The following OTOF variants were observed in gnomAD, a reference collection of about 807,000 sequenced individuals.
OTOF encodes the protein otoferlin, also known as fer-1-like family member 2.
OTOF carries 218 observed loss-of-function variants against 236.8 expected under a neutral mutation model. The ratio of observed to expected loss-of-function variants is 0.92; its 90% CI spans 0.82 to 1.03. The LOEUF (loss-of-function observed/expected upper bound fraction) is 1.03, where lower values mean the gene tolerates loss of function less well. OTOF is among the 50% of genes least tolerant of loss of function. OTOF has a pLI of 0.00. For missense variants in OTOF, 2,590 were observed against 2,694.4 expected (o/e 0.96, Z 0.86); for synonymous variants, 1,041 against 1,072.5 (o/e 0.97, Z 0.57).
In OTOF at chr2:26,467,429, C is replaced by T; in HGVS notation, c.4163G>A (p.Ser1388Asn). The T allele has an allele frequency of 6.2e-7, 1 of 1,614,068 alleles. No individual in the cohort carries two copies. Among genetic ancestry groups the T allele is most frequent in the Non-Finnish European group, 8.5e-7 (1 of 1,180,016 alleles). Reference sequence around the variant, plus strand: ...CTCGGACCCCTGGCCAGAGCCAGAGCTCTGAGTTTTCTTCTTCTTCTCCTC... The same window carrying T: ...CTCGGACCCCTGGCCAGAGCCAGAGTTCTGAGTTTTCTTCTTCTTCTCCTC... ...AKEEKKKKTQ[S>N]SGSGQGSEAP... is the part of the protein sequence containing the mutation. Residue 1388 changes from serine (S) to asparagine (N), a missense_variant, in exon 34 of 47, where the codon AGC becomes AAC. By Grantham distance (46) the Ser-to-Asn change is conservative. This residue lies in a region of OTOF where 1,211 missense variants were observed against 1,352.8 expected (regional missense o/e 0.90). Transcript: ENST00000272371.
intron 5 of OTOF, among the ~76,000 whole-genome samples, chr2:26,505,476 T>C (rs911566932): frequency 2.6e-5 from 4 of 151,856 alleles, no homozygotes; most frequent in African/African-American, 9.7e-5. Context: ...AGAGACTACA[T>C]AGGGCCAAAG....
chr2:26,466,057 G>A lies in OTOF; in HGVS notation c.4520C>T (p.Ala1507Val). 6.2e-7 allele frequency: 1 copy of A among 1,614,204 alleles called. No homozygotes were observed. The highest frequency in any genetic ancestry group is 8.5e-7 in the Non-Finnish European group (1 of 1,180,026). The change falls in exon 37 of 47, where the codon GCT (alanine) becomes GTT (valine). Residue 1507 changes from alanine (A) to valine (V), a missense_variant. By Grantham distance (64) the Ala-to-Val change is moderately conservative (BLOSUM62 0). This residue lies in a region of OTOF where 1,211 missense variants were observed against 1,352.8 expected (regional missense o/e 0.90). Coordinates refer to ENST00000272371, the MANE Select transcript of OTOF (RefSeq NM_194248.3). ...YVVRATDLHP[A>V]DINGKADPYI... ...GGGGTCAGCTTTGCCGTTGATGTCA[G>A]CAGGGTGCAGGTCCGTGGCCTGGAA...
chr2:26,475,349 C>T lies in OTOF; in HGVS notation c.3126+10G>A, dbSNP rs1665198402. ...CTGCTGGGGTCCCTGGCACCAGAGC[C>T]CACCCATACCATGGAATCCTGGTCA... On this transcript the variant is annotated intron_variant, in intron 25 of 46. Transcript: ENST00000272371. 2 of 1,612,794 alleles carry T rather than the reference C, an allele frequency of 1.2e-6. No individual in the cohort carries two copies. The highest frequency in any genetic ancestry group is 1.7e-6 in the Non-Finnish European group (2 of 1,179,898).
rs538446307 is a variant in OTOF, at chr2:26,489,586, A to G, written c.960+92T>C. 2.8e-6 allele frequency: 3 copies of G among 1,061,088 alleles called. No homozygotes were observed. The African/African-American group carries it at 4.7e-5, about 16-fold the overall frequency. The allele number at this position is 1,061,088 out of a possible 1,614,324, so 65.7% of individuals were successfully genotyped here. On this transcript the variant is annotated intron_variant, in intron 10 of 46. Coordinates refer to ENST00000272371, the MANE Select transcript of OTOF (RefSeq NM_194248.3). Reference sequence around the variant, plus strand: ...CCAGGCACGGCGCTGCCTCTTTATCATGGGTCTAGACAGAGGGGGCCCCTC... The same window carrying G: ...CCAGGCACGGCGCTGCCTCTTTATCGTGGGTCTAGACAGAGGGGGCCCCTC...
At chr2:26,538,537 C>T (rs545938487) in intron 1 of OTOF, among the ~76,000 whole-genome samples, 3 of 152,336 alleles carry the variant, frequency 2.0e-5, no homozygotes, top group East Asian at 3.9e-4. Flanking sequence ...TAAAGCTGCC[C>T]TCTTTGCTAG....
intron 9 of OTOF, among the ~76,000 whole-genome samples, chr2:26,491,537 AAAAC>A (rs1665840605): frequency 6.6e-6 from 1 of 152,196 alleles, no homozygotes; most frequent in African/African-American, 2.4e-5. Flanking sequence ...GGCTGGAAGA[AAAAC>A]AAAGACAGAG....
chr2:26,463,275 C>T (rs541164052), intron 41 of OTOF, among the ~76,000 whole-genome samples: 4 of 152,350 alleles, frequency 2.6e-5, no homozygotes, highest in South Asian at 2.1e-4. Context: ...TGCCTTAGCA[C>T]GTGGGGACTC....
intron 24 of OTOF, 78 bp from the exon 25 acceptor site, chr2:26,475,571 A>G: frequency 1.3e-6 from 2 of 1,509,686 alleles, no homozygotes; most frequent in South Asian, 1.1e-5. Context: ...ACCCCTACTC[A>G]CTCAGCTTCC....
intron 5 of OTOF, among the ~76,000 whole-genome samples, chr2:26,505,508 G>A (rs1666227273): frequency 6.6e-6 from 1 of 152,112 alleles, no homozygotes; most frequent in Non-Finnish European, 1.5e-5. Flanking sequence ...TGTCTGCAAT[G>A]TCTGCAGATG....
chr2:26,472,363 T>G (rs1428268081), intron 30 of OTOF, 156 bp downstream of exon 30: 1 of 879,544 alleles, frequency 1.1e-6, no homozygotes, highest in Admixed American at 1.8e-5. Context: ...AGGAGGGAGC[T>G]GTTTGGACAC....
chr2:26,479,193 C>T (rs1665448078), intron 18 of OTOF, 71 bp downstream of exon 18: 2 of 1,582,720 alleles, frequency 1.3e-6, no homozygotes, highest in Non-Finnish European at 1.7e-6. Context: ...TTGTGTGTTC[C>T]AGGGAAGGCC....
intron 3 of OTOF, 25 bp downstream of exon 3, chr2:26,527,807 C>G (rs909870060): frequency 4.5e-6 from 7 of 1,548,516 alleles, no homozygotes; most frequent in Admixed American, 1.7e-5. Context: ...CAGGCCCAGC[C>G]CCTCCTGCCC....
At chr2:26,459,783 GC>G (rs1664369583) in intron 46 of OTOF, among the ~76,000 whole-genome samples, 1 of 152,196 alleles carries the variant, frequency 6.6e-6, no homozygotes, top group African/African-American at 2.4e-5. Flanking sequence ...TGTCATGAAA[GC>G]TTGAAAGTTG....
chr2:26,523,725 C>T (rs1666735787), intron 3 of OTOF, among the ~76,000 whole-genome samples: 1 of 152,218 alleles, frequency 6.6e-6, no homozygotes, highest in African/African-American at 2.4e-5. Flanking sequence ...TGCCATGTGC[C>T]AGGCACTGTC....
At chr2:26,475,563 C>T (rs997672540) in intron 24 of OTOF, 70 bp from the exon 25 acceptor site, 2 of 1,543,380 alleles carry the variant, frequency 1.3e-6, no homozygotes, top group African/African-American at 1.4e-5. Flanking sequence ...CAGAAGCCAC[C>T]CCTACTCACT....
intron 2 of OTOF, among the ~76,000 whole-genome samples, chr2:26,528,491 T>G (rs1666864488): frequency 6.6e-6 from 1 of 152,256 alleles, no homozygotes. Context: ...CTGATTAGTG[T>G]TATTGGGGTC....
At position 26,475,462 on chromosome 2, in the gene OTOF, T is replaced by C; in HGVS notation, c.3023A>G (p.Asp1008Gly). The C allele has an allele frequency of 6.2e-7, 1 of 1,612,774 alleles. No homozygotes were observed. The highest frequency in any genetic ancestry group is 2.2e-5 in the East Asian group (1 of 44,834). Residue 1008 changes from aspartate (D) to glycine (G), a missense_variant, in exon 25 of 47, where the codon GAC (aspartate) becomes GGC (glycine). By Grantham distance (94) the Asp-to-Gly change is moderately conservative (BLOSUM62 -1). Around this residue, in one of 2 missense-constraint regions of OTOF, gnomAD observed 1,211 missense variants for 1,352.8 expected, o/e 0.90. Coordinates refer to ENST00000272371, the MANE Select transcript of OTOF (RefSeq NM_194248.3). ...VLNETLCPTWDQMLVFDNLEL... is the reference protein window; with the variant it reads ...VLNETLCPTWGQMLVFDNLEL... ...CAGGTTGTCGAACACCAGCATCTGG[T>C]CCCAGGTGGGACACAGGGTCTCATT...
At chr2:26,495,958 C>T (rs112147926) in intron 8 of OTOF, among the ~76,000 whole-genome samples, 13 of 152,220 alleles carry the variant, frequency 8.5e-5, no homozygotes, top group Non-Finnish European at 1.6e-4. Flanking sequence ...TTGGCTCCCC[C>T]CCCTTTCCAC....
intron 3 of OTOF, among the ~76,000 whole-genome samples, chr2:26,526,938 G>A (rs1055764280): frequency 1.4e-4 from 21 of 152,056 alleles, no homozygotes; most frequent in African/African-American, 4.1e-4. Context: ...TGATCCTCCC[G>A]CCTTATCTGC....
Sources: allele counts gnomAD v4.1 joint callset (sites outside exome capture counted in the v4.1 genomes callset), GRCh38; gene constraint gnomAD v4.1.1; regional missense constraint gnomAD v4.1.1; transcripts MANE v1.5; gene names NCBI Gene and HGNC (gene_info 2026-07-23, HGNC 2026-07-21).